The following COQ10A variants were observed in gnomAD, a reference collection of about 807,000 sequenced individuals.
COQ10A encodes the protein coenzyme Q10A.
In COQ10A, 25 loss-of-function variants were observed where a neutral mutation model predicts 26.1. The observed-to-expected ratio is 0.96, with a 90% CI of 0.70 to 1.34. The LOEUF is 1.34. Ranked by LOEUF, COQ10A falls within the 40% of genes most tolerant of loss-of-function variation. COQ10A has a pLI of 0.00. For synonymous variants in COQ10A, 132 were observed against 124.0 expected (o/e 1.06, Z -0.43); for missense variants, 312 against 335.4 (o/e 0.93, Z 0.54).
In COQ10A at chr12:56,270,131, G is replaced by A; in HGVS notation, c.577-19G>A. On this transcript the variant is annotated intron_variant, in intron 4 of 4. Transcript: ENST00000308197. The stretch of plus-strand genomic sequence containing the variant: ...CAACATGGTCTGGAAGTTTCTGACT[G>A]TCTCTTACCCATTCCCAGATTTCCT... 6.2e-7 allele frequency: 1 copy of A among 1,610,402 alleles called. No individual in the cohort carries two copies. Among genetic ancestry groups the A allele is most frequent in the Non-Finnish European group, 8.5e-7 (1 of 1,177,376 alleles).
In COQ10A at chr12:56,267,582, T is replaced by G. The variant is rs929142914; in HGVS notation, c.135-212T>G. On this transcript the variant is annotated intron_variant, in intron 1 of 4. Coordinates refer to ENST00000308197, the MANE Select transcript of COQ10A (RefSeq NM_144576.4). Reference sequence around the variant, plus strand: ...CACACACCCCTTTTTCTCATCCCCCTCACCCCGCCCCCAGCCCTGTCCTTA... The same window carrying G: ...CACACACCCCTTTTTCTCATCCCCCGCACCCCGCCCCCAGCCCTGTCCTTA... 9 of 1,113,762 alleles carry G rather than the reference T, an allele frequency of 8.1e-6. No homozygotes were observed. In the African/African-American group the frequency reaches 1.2e-4, roughly 15 times the overall value. 69.0% of individuals were successfully genotyped at this position (1,113,762 alleles called of 1,614,324 possible). A position where few individuals can be genotyped will look rare whatever the true frequency, so the allele number is the denominator to read the frequency against.
chr12:56,267,605 T>C, intron 1 of COQ10A, 189 bp from the exon 2 acceptor site: 1 of 1,150,316 alleles, frequency 8.7e-7, no homozygotes, highest in Non-Finnish European at 1.3e-6. Context: ...AGCCCTGTCC[T>C]TAGCTGCCCT....
chr12:56,270,277 TC>T lies in COQ10A; in HGVS notation c.709del (p.Arg237ValfsTer3), dbSNP rs1259250978. The T allele has an allele frequency of 6.2e-7, 1 of 1,613,950 alleles. No individual in the cohort carries two copies. The highest frequency in any genetic ancestry group is 1.7e-5 in the Admixed American group (1 of 59,978). ...ACCAAGTTTGGTCCAGAAACAGCCA[TC>T]CCCCGTGAACTGATGTTCCATGAGG... ...AATKFGPETA[I>X]PRELMFHEVH... is the part of the protein sequence containing the mutation. On this transcript the variant is annotated frameshift_variant, in exon 5 of 5. Transcript: ENST00000308197. LOFTEE classifies it high-confidence loss of function.
In COQ10A at chr12:56,267,069, G is replaced by A; in HGVS notation, c.-50G>A. The stretch of plus-strand genomic sequence containing the variant: ...TCTTGCCGCTCCGCCTTTGGAGTGA[G>A]GAGGGCGCAGCCCGCGTCAGAACTT... On this transcript the variant is annotated 5_prime_UTR_variant, in exon 1 of 5. Coordinates refer to ENST00000308197, the MANE Select transcript of COQ10A (RefSeq NM_144576.4). 1 of 1,253,752 alleles carries A rather than the reference G, an allele frequency of 8.0e-7. No homozygotes were observed. 77.7% of individuals were successfully genotyped at this position (1,253,752 alleles called of 1,614,324 possible).
chr12:56,268,992 G>A, intron 2 of COQ10A, 67 bp from the exon 3 acceptor site: 1 of 1,324,224 alleles, frequency 7.6e-7, no homozygotes, highest in Admixed American at 1.8e-5. Flanking sequence ...TATGAATTAG[G>A]GGCCTATAGC....
chr12:56,267,912 A>C lies in COQ10A; in HGVS notation c.253A>C (p.Lys85Gln). The C allele has an allele frequency of 6.2e-7, 1 of 1,614,130 alleles. No homozygotes were observed. The highest frequency in any genetic ancestry group is 8.5e-7 in the Non-Finnish European group (1 of 1,180,014). Residue 85 changes from lysine to glutamine, a missense_variant, in exon 2 of 5, where the codon AAG becomes CAG. Lys to Gln is a moderately conservative substitution (Grantham distance 53, BLOSUM62 1). Coordinates refer to ENST00000308197, the MANE Select transcript of COQ10A (RefSeq NM_144576.4). ...GFAAPFTNKR[K>Q]AYSERRIMGY... Reference sequence around the variant, plus strand: ...TGCTGCTCCCTTCACCAACAAGCGAAAGGCTTACTCGGAGCGTAGAATCAT... The same window carrying C: ...TGCTGCTCCCTTCACCAACAAGCGACAGGCTTACTCGGAGCGTAGAATCAT...
In COQ10A at chr12:56,266,947, T is replaced by C. The variant is rs941867584; in HGVS notation, c.-172T>C. ...GGAGCAGCGGTCCCGGCTTCAGTTC[T>C]AGCCTACCCGGCAGCCTGGACGGGA... On this transcript the variant is annotated 5_prime_UTR_variant, in exon 1 of 5. Transcript: ENST00000308197. The C allele has an allele frequency of 3.4e-6, 2 of 587,442 alleles. No homozygotes were observed. Among genetic ancestry groups the C allele is most frequent in the Non-Finnish European group, 4.8e-6 (2 of 413,342 alleles). 36.4% of individuals were successfully genotyped at this position (587,442 alleles called of 1,614,324 possible).
Position 56,269,036 on chromosome 12 carries a change from G to A in COQ10A, c.282-23G>A, listed in dbSNP as rs991631925. ...ACCTGACCCAGCTGGCAGCTCCTTGGCCTGTGATTCTTCTTCTCCTAGGTA... is the reference window on the plus strand; with the variant it reads ...ACCTGACCCAGCTGGCAGCTCCTTGACCTGTGATTCTTCTTCTCCTAGGTA... On this transcript the variant is annotated intron_variant, in intron 2 of 4. Transcript: ENST00000308197. The A allele has an allele frequency of 3.7e-6, 6 of 1,608,576 alleles. No individual in the cohort carries two copies. In the South Asian group the frequency reaches 5.5e-5, roughly 15 times the overall value.
At chr12:56,268,052 C>A (rs534030890) in intron 2 of COQ10A, 112 bp downstream of exon 2, 1 of 1,321,334 alleles carries the variant, frequency 7.6e-7, no homozygotes, top group Non-Finnish European at 1.1e-6. Flanking sequence ...CTAGCCATCC[C>A]CCTCCCCAGC....
At chr12:56,267,677 G>A in intron 1 of COQ10A, 117 bp from the exon 2 acceptor site, 1 of 1,421,318 alleles carries the variant, frequency 7.0e-7, no homozygotes, top group Non-Finnish European at 9.9e-7. Context: ...GCAGGTGCTG[G>A]GGGGAAAGCT....
chr12:56,268,970 A>AG, intron 2 of COQ10A, 89 bp from the exon 3 acceptor site: 1 of 1,014,418 alleles, frequency 9.9e-7, no homozygotes. Context: ...GTGCGTGGTT[A>AG]GTGGGCAAAG....
At position 56,269,182 on chromosome 12, in the gene COQ10A, G is replaced by A; in HGVS notation, c.405G>A (p.Glu135=). The A allele has an allele frequency of 6.2e-7, 1 of 1,614,180 alleles. No individual in the cohort carries two copies. The highest frequency in any genetic ancestry group is 8.5e-7 in the Non-Finnish European group (1 of 1,180,030). ...SRKGHLKAQL[E]VGFPPVMERY... is the part of the protein sequence containing the mutation. ...AGGGTCATTTGAAAGCCCAGCTGGA[G>A]GTTGGCTTTCCACCTGTCATGGAAC... The change falls in exon 3 of 5, where the codon GAG becomes GAA. Residue 135 remains glutamate, a synonymous_variant. Transcript: ENST00000308197.
At position 56,269,447 on chromosome 12, in the gene COQ10A, TA is replaced by T. The variant is rs1454786129; in HGVS notation, c.475-12del. ...TAGTAATGTTATTTAACTACCTGAT[TA>T]CCCTATTCTAGGCTGTTTGTACTGA... is the stretch of plus-strand genomic sequence containing the variant. On this transcript the variant is annotated splice_polypyrimidine_tract_variant and intron_variant, in intron 3 of 4. Coordinates refer to ENST00000308197, the MANE Select transcript of COQ10A (RefSeq NM_144576.4). 6.3e-7 allele frequency: 1 copy of T among 1,599,482 alleles called. No individual in the cohort carries two copies. The highest frequency in any genetic ancestry group is 8.6e-7 in the Non-Finnish European group (1 of 1,166,744).
chr12:56,269,183 G>C lies in COQ10A; in HGVS notation c.406G>C (p.Val136Leu). The C allele has an allele frequency of 6.2e-7, 1 of 1,614,158 alleles. No homozygotes were observed. The highest frequency in any genetic ancestry group is 8.5e-7 in the Non-Finnish European group (1 of 1,180,016). The change falls in exon 3 of 5, where the codon GTT becomes CTT. Residue 136 changes from valine (V) to leucine (L), a missense_variant. Val to Leu is a conservative substitution (Grantham distance 32, BLOSUM62 1). Coordinates refer to ENST00000308197, the MANE Select transcript of COQ10A (RefSeq NM_144576.4). ...RKGHLKAQLE[V>L]GFPPVMERYT... ...GGGTCATTTGAAAGCCCAGCTGGAG[G>C]TTGGCTTTCCACCTGTCATGGAACG...
At chr12:56,268,186 C>G (rs940456754) in intron 2 of COQ10A, 5 of 528,636 alleles carry the variant, frequency 9.5e-6, no homozygotes, top group Non-Finnish European at 1.7e-5. Flanking sequence ...GACAACAGGG[C>G]GTAGCTGGGT....
At chr12:56,269,934 T>C in intron 4 of COQ10A, 1 of 588,702 alleles carries the variant, frequency 1.7e-6, no homozygotes, top group South Asian at 2.0e-5. Flanking sequence ...CCTGACAGGG[T>C]TATTCTTTAA....
intron 1 of COQ10A, 191 bp from the exon 2 acceptor site, chr12:56,267,603 C>A: frequency 8.7e-7 from 1 of 1,143,118 alleles, no homozygotes; most frequent in Non-Finnish European, 1.3e-6. Flanking sequence ...CCAGCCCTGT[C>A]CTTAGCTGCC....
chr12:56,269,280 G>A lies in COQ10A; in HGVS notation c.474+29G>A, dbSNP rs1459130631. 3 of 1,602,754 alleles carry A rather than the reference G, an allele frequency of 1.9e-6. No homozygotes were observed. In the East Asian group the frequency reaches 6.7e-5, roughly 36 times the overall value. On this transcript the variant is annotated intron_variant, in intron 3 of 4. Transcript: ENST00000308197. ...AGGCCTGTATGGGAGGGATTGACAA[G>A]ATTTTTTGTTTTTAGCAGTTTCATA...
rs191543648 is a variant in COQ10A, at chr12:56,270,798, G to C, written c.*481G>C. 1 of 152,772 alleles carries C rather than the reference G, an allele frequency of 6.5e-6. No homozygotes were observed. The allele number at this position is 152,772 out of a possible 1,614,324, so 9.5% of individuals were successfully genotyped here. A position where few individuals can be genotyped will look rare whatever the true frequency, so the allele number is the denominator to read the frequency against. On this transcript the variant is annotated 3_prime_UTR_variant, in exon 5 of 5. Coordinates refer to ENST00000308197, the MANE Select transcript of COQ10A (RefSeq NM_144576.4). ...ATACATAAAGCCTCATTTTAAGACT[G>C]TAAGTCCATGCTGCCTGGCTACTAG... is the stretch of plus-strand genomic sequence containing the variant.
Sources: allele counts gnomAD v4.1 joint callset, GRCh38; gene constraint gnomAD v4.1.1; transcripts MANE v1.5; gene names NCBI Gene and HGNC (gene_info 2026-07-23, HGNC 2026-07-21).